Variants in CORIN observed in about 807,000 individuals in gnomAD.
The protein encoded by CORIN is atrial natriuretic peptide-converting enzyme.
A neutral mutation model predicts 125.3 loss-of-function variants in CORIN; 117 were observed. That is an observed-to-expected ratio of 0.93 (90% CI 0.80 to 1.09). The LOEUF is 1.09. Ranked by LOEUF, CORIN falls within the 50% of genes least tolerant of loss-of-function variation. CORIN has a pLI of 0.00. For synonymous variants in CORIN, 450 were observed against 466.4 expected (o/e 0.96, Z 0.45); for missense variants, 1,253 against 1,306.7 (o/e 0.96, Z 0.63).
chr4:47,762,111 T>C (rs1729491269), intron 4 of CORIN, among the ~76,000 whole-genome samples: 2 of 152,158 alleles, frequency 1.3e-5, no homozygotes, highest in South Asian at 2.1e-4. Flanking sequence ...CACATATGTG[T>C]ATATTTGTAT....
At chr4:47,761,652 T>G (rs1462152543) in intron 4 of CORIN, among the ~76,000 whole-genome samples, 1 of 152,104 alleles carries the variant, frequency 6.6e-6, no homozygotes, top group South Asian at 2.1e-4. Flanking sequence ...CATTCATATA[T>G]AGAGTATTTA....
At chr4:47,789,021 G>A (rs1191901833) in intron 2 of CORIN, among the ~76,000 whole-genome samples, 1 of 152,022 alleles carries the variant, frequency 6.6e-6, no homozygotes, top group Admixed American at 6.6e-5. Flanking sequence ...CATAACATCT[G>A]GCTGGGCACA....
At chr4:47,753,503 C>G (rs993521091) in intron 4 of CORIN, among the ~76,000 whole-genome samples, 2 of 152,124 alleles carry the variant, frequency 1.3e-5, no homozygotes, top group African/African-American at 2.4e-5. Context: ...CTTATCTCAA[C>G]CGCATCAGAC....
At chr4:47,761,918 C>T (rs1729479559) in intron 4 of CORIN, among the ~76,000 whole-genome samples, 1 of 152,000 alleles carries the variant, frequency 6.6e-6, no homozygotes, top group African/African-American at 2.4e-5. Context: ...ACTGCTTGAG[C>T]CTAGGAGCTT....
chr4:47,730,325 TA>T (rs1446539577), intron 5 of CORIN, among the ~76,000 whole-genome samples: 1 of 151,634 alleles, frequency 6.6e-6, no homozygotes, highest in African/African-American at 2.4e-5. Flanking sequence ...ATACAAAAAT[TA>T]GCCAGGCGTG....
intron 4 of CORIN, among the ~76,000 whole-genome samples, chr4:47,753,396 C>A (rs1175547995): frequency 6.6e-6 from 1 of 152,152 alleles, no homozygotes; most frequent in African/African-American, 2.4e-5. Flanking sequence ...GGTTCGAGAG[C>A]AGAGAACTAG....
chr4:47,710,653 G>GCTACCATAC (rs1726798920), intron 5 of CORIN, among the ~76,000 whole-genome samples: 1 of 152,232 alleles, frequency 6.6e-6, no homozygotes, highest in Non-Finnish European at 1.5e-5. Context: ...TGCTGCTTCT[G>GCTACCATAC]CTGTTGCCAA....
chr4:47,726,539 G>A (rs1481796163), intron 5 of CORIN, among the ~76,000 whole-genome samples: 1 of 152,092 alleles, frequency 6.6e-6, no homozygotes, highest in Non-Finnish European at 1.5e-5. Flanking sequence ...CAGAGGTTTG[G>A]AGTGTGGTTT....
At chr4:47,666,399 A>T (rs1724481665) in intron 10 of CORIN, among the ~76,000 whole-genome samples, 1 of 152,230 alleles carries the variant, frequency 6.6e-6, no homozygotes, top group African/African-American at 2.4e-5. Flanking sequence ...TATCCTAGGC[A>T]ATGTAAATGT....
chr4:47,733,923 A>G (rs930236410), intron 5 of CORIN, among the ~76,000 whole-genome samples: 1 of 152,190 alleles, frequency 6.6e-6, no homozygotes, highest in South Asian at 2.1e-4. Context: ...TACAGAGCTA[A>G]GCATTGGGAA....
intron 5 of CORIN, among the ~76,000 whole-genome samples, chr4:47,734,591 G>A (rs975625823): frequency 6.6e-6 from 1 of 152,032 alleles, no homozygotes; most frequent in East Asian, 1.9e-4. Context: ...TTTCTTACAC[G>A]TGGGTATCAC....
chr4:47,725,401 T>C (rs1017704427), intron 5 of CORIN, among the ~76,000 whole-genome samples: 1 of 152,074 alleles, frequency 6.6e-6, no homozygotes, highest in Non-Finnish European at 1.5e-5. Flanking sequence ...ATCAAAACAA[T>C]GTGGTTTGGT....
intron 10 of CORIN, among the ~76,000 whole-genome samples, chr4:47,669,977 T>C (rs896667225): frequency 6.6e-6 from 1 of 152,240 alleles, no homozygotes; most frequent in Non-Finnish European, 1.5e-5. Context: ...AGTCTTTGGG[T>C]TCCTCCTCCA....
intron 1 of CORIN, among the ~76,000 whole-genome samples, chr4:47,826,949 A>T (rs1732767204): frequency 6.6e-6 from 1 of 152,220 alleles, no homozygotes; most frequent in South Asian, 2.1e-4. Context: ...AGATTTCATT[A>T]ATAATTTTTA....
chr4:47,828,634 T>C (rs552067335), intron 1 of CORIN, among the ~76,000 whole-genome samples: 1 of 152,286 alleles, frequency 6.6e-6, no homozygotes, highest in Admixed American at 6.5e-5. Flanking sequence ...TTTAATTACA[T>C]TTGCAAAGTC....
intron 1 of CORIN, among the ~76,000 whole-genome samples, chr4:47,832,609 T>C (rs1028916513): frequency 2.0e-5 from 3 of 151,970 alleles, no homozygotes; most frequent in Admixed American, 6.5e-5. Flanking sequence ...CACGCCCTGG[T>C]AATTTTTTTG....
intron 5 of CORIN, among the ~76,000 whole-genome samples, chr4:47,726,944 T>A (rs1313194605): frequency 1.3e-5 from 2 of 152,036 alleles, no homozygotes; most frequent in African/African-American, 2.4e-5. Flanking sequence ...CCATTTTTTA[T>A]AAATTTTTCT....
chr4:47,606,653 C>CTCCT (rs61759673), intron 19 of CORIN, among the ~76,000 whole-genome samples: 19 of 146,384 alleles, frequency 1.3e-4, no homozygotes, highest in Admixed American at 4.2e-4. Flanking sequence ...CCTTTCTTCC[C>CTCCT]TCCTTCCTTC....
At chr4:47,698,731 G>A (rs1189544581) in intron 5 of CORIN, among the ~76,000 whole-genome samples, 2 of 152,154 alleles carry the variant, frequency 1.3e-5, no homozygotes, top group Non-Finnish European at 2.9e-5. Flanking sequence ...ACTGAGACAT[G>A]AGTGGATGCT....
Sources: gnomAD v4.1 joint callset for allele counts (sites outside exome capture counted in the v4.1 genomes callset) on GRCh38, gnomAD v4.1.1 for gene constraint, MANE v1.5 for transcripts, NCBI Gene and HGNC (gene_info 2026-07-23, HGNC 2026-07-21) for gene names.